HELZ: variants seen among roughly 807,000 people sequenced by gnomAD.
The protein encoded by HELZ is ATP-dependent RNA helicase with zinc finger domain.
A neutral mutation model predicts 218.2 loss-of-function variants in HELZ; 23 were observed. The observed-to-expected ratio is 0.11, with a 90% CI of 0.08 to 0.15. HELZ has a LOEUF of 0.15. Among genes scored for constraint, HELZ ranks in the 10% least tolerant of loss-of-function variants. The pLI, the probability that HELZ is intolerant of heterozygous loss-of-function variation, is 1.00. For synonymous variants in HELZ, 814 were observed against 829.4 expected (o/e 0.98, Z 0.32); for missense variants, 1,813 against 2,353.7 (o/e 0.77, Z 4.75).
At chr17:67,145,072 G>A (rs2038451582) in intron 21 of HELZ, among the ~76,000 whole-genome samples, 1 of 152,156 alleles carries the variant, frequency 6.6e-6, no homozygotes, top group Non-Finnish European at 1.5e-5. Flanking sequence ...CAAGGGCAGT[G>A]TAGACTGGAG....
intron 19 of HELZ, 27 bp from the exon 20 acceptor site, chr17:67,148,741 G>A: frequency 6.3e-7 from 1 of 1,579,740 alleles, no homozygotes; most frequent in South Asian, 1.2e-5. Context: ...TACAGAGAAA[G>A]TTTAACTGAA....
chr17:67,133,579 T>A (rs1353148766), intron 23 of HELZ, among the ~76,000 whole-genome samples: 3 of 152,150 alleles, frequency 2.0e-5, no homozygotes, highest in African/African-American at 7.2e-5. Flanking sequence ...TGGAGTACAG[T>A]GGCGTGATCA....
rs906615487 is a variant in HELZ at position 67,075,073 on chromosome 17, C to T, written c.*3179G>A. On this transcript the variant is annotated 3_prime_UTR_variant, in exon 33 of 33. Transcript: ENST00000358691. ...ACAACCAAAACCCCCTTTAAAGACA[C>T]ACAAGAAAATATCCATGTTACACGG... 2 of 152,052 alleles carry T rather than the reference C, an allele frequency of 1.3e-5. No individual in the cohort carries two copies. Among genetic ancestry groups the T allele is most frequent in the Non-Finnish European group, 2.9e-5 (2 of 67,962 alleles). 9.4% of individuals were successfully genotyped at this position (152,052 alleles called of 1,614,324 possible). A position where few individuals can be genotyped will look rare whatever the true frequency, so the allele number is the denominator to read the frequency against.
At chr17:67,245,248 A>C (rs1314422026), upstream of HELZ, 5 of 972,646 alleles carry the variant, frequency 5.1e-6, no homozygotes, top group Middle Eastern at 5.2e-4. Flanking sequence ...CCGGCCCCCG[A>C]CTCCCGCCTC....
chr17:67,082,280 C>T (rs117683027), intron 32 of HELZ, among the ~76,000 whole-genome samples: 2 of 152,176 alleles, frequency 1.3e-5, no homozygotes, highest in South Asian at 2.1e-4. Flanking sequence ...TAGCTCTATC[C>T]TTGAGTTCAA....
In HELZ at chr17:67,149,921, A is replaced by T; in HGVS notation, c.2421T>A (p.Pro807=). The T allele has an allele frequency of 1.2e-6, 2 of 1,611,432 alleles. No homozygotes were observed. Among genetic ancestry groups the T allele is most frequent in the South Asian group, 2.2e-5 (2 of 90,734 alleles). ...AQAMECETIM[P]LALATQNTRI... is the part of the protein sequence containing the mutation. ...GAGTGTTTTGAGTTGCTAATGCTAG[A>T]GGCATAATGGTTTCACACTCCATGG... Residue 807 remains proline, a synonymous_variant, in exon 19 of 33, where the codon CCT becomes CCA. Transcript: ENST00000358691.
chr17:67,072,628 C>T lies in HELZ; in HGVS notation c.*5624G>A, dbSNP rs1224197227. ...AAAACCAAAGAGCTCCTTCACCCTA[C>T]TGCGGAAGAGCAGTGCAGACCCCAG... On this transcript the variant is annotated 3_prime_UTR_variant, in exon 33 of 33. Transcript: ENST00000358691. 1 of 152,382 alleles carries T rather than the reference C, an allele frequency of 6.6e-6. No homozygotes were observed. The highest frequency in any genetic ancestry group is 1.5e-5 in the Non-Finnish European group (1 of 68,164). 9.4% of individuals were successfully genotyped at this position (152,382 alleles called of 1,614,324 possible).
chr17:67,080,337 C>T (rs1222256918), intron 32 of HELZ, among the ~76,000 whole-genome samples: 1 of 152,132 alleles, frequency 6.6e-6, no homozygotes, highest in Admixed American at 6.5e-5. Flanking sequence ...ATTTCTGTAT[C>T]AGTATTAAGT....
chr17:67,132,446 A>T (rs1254639950), intron 23 of HELZ, among the ~76,000 whole-genome samples: 1 of 152,240 alleles, frequency 6.6e-6, no homozygotes, highest in African/African-American at 2.4e-5. Context: ...CATTTCTGGG[A>T]AAGGCAGCAT....
intron 3 of HELZ, among the ~76,000 whole-genome samples, chr17:67,227,835 A>G (rs1356893663): frequency 1.3e-5 from 2 of 152,232 alleles, no homozygotes; most frequent in East Asian, 3.8e-4. Flanking sequence ...TATTTTAAAA[A>G]TCAGCTATAT....
At chr17:67,087,623 G>GT (rs1184481317) in intron 31 of HELZ, among the ~76,000 whole-genome samples, 5 of 152,024 alleles carry the variant, frequency 3.3e-5, no homozygotes, top group Non-Finnish European at 7.4e-5. Flanking sequence ...CCTGTCCAAC[G>GT]TAAGTACTCT....
In HELZ at chr17:67,148,607, G is replaced by A. The variant is rs751715646; in HGVS notation, c.2583C>T (p.Leu861=). The part of the protein sequence containing the change: ...HYPAEFPCRI[L]LCENYRSHEA... ...CATGGGAGCGGTAGTTCTCACACAG[G>A]AGAATCCTACATGGGAACTCAGCAG... The change falls in exon 20 of 33, where the codon CTC becomes CTT. Residue 861 remains leucine (L), a synonymous_variant. Transcript: ENST00000358691. The A allele has an allele frequency of 1.9e-6, 3 of 1,613,752 alleles. No homozygotes were observed. In the East Asian group the frequency reaches 6.7e-5, roughly 36 times the overall value.
At chr17:67,201,212 A>T in intron 6 of HELZ, 27 bp from the exon 7 acceptor site, 1 of 1,491,062 alleles carries the variant, frequency 6.7e-7, no homozygotes, top group Non-Finnish European at 9.3e-7. Flanking sequence ...AAAAGAGAAG[A>T]ACCAATTAGT....
rs1238440391 is a variant in HELZ, at chr17:67,221,937, G to A, written c.-18-3115C>T. On this transcript the variant is annotated intron_variant, in intron 3 of 32. Transcript: ENST00000358691. ...ATAGCTCCTGCTGCCACACACTTGG[G>A]AATCATCCTCCTTCCTTGGCCTCCC... Among the ~76,000 whole-genome samples, 4 of 151,756 alleles carry A rather than the reference G, an allele frequency of 2.6e-5. No individual in the cohort carries two copies. The South Asian group carries it at 6.2e-4, about 24-fold the overall frequency.
chr17:67,091,232 CATA>C (rs552051948), intron 31 of HELZ, among the ~76,000 whole-genome samples: 4 of 151,766 alleles, frequency 2.6e-5, no homozygotes, highest in Admixed American at 6.6e-5. Context: ...AATTCAAATA[CATA>C]ATGATATCAA....
intron 32 of HELZ, among the ~76,000 whole-genome samples, chr17:67,085,892 T>A (rs913663539): frequency 1.3e-5 from 2 of 152,236 alleles, no homozygotes; most frequent in South Asian, 4.1e-4. Flanking sequence ...AGATTTTCCA[T>A]CATACAAGTT....
intron 5 of HELZ, among the ~76,000 whole-genome samples, chr17:67,206,443 C>T (rs1374966909): frequency 6.6e-6 from 1 of 152,160 alleles, no homozygotes; most frequent in Non-Finnish European, 1.5e-5. Flanking sequence ...GTTCCATAGC[C>T]TCTGGCTATC....
At chr17:67,115,127 C>A (rs2037390765) in intron 27 of HELZ, among the ~76,000 whole-genome samples, 1 of 152,022 alleles carries the variant, frequency 6.6e-6, no homozygotes, top group South Asian at 2.1e-4. Flanking sequence ...ATTACCTTAC[C>A]ATTAAGCTTC....
At chr17:67,142,278 A>T (rs1015218103) in intron 21 of HELZ, among the ~76,000 whole-genome samples, 1 of 151,802 alleles carries the variant, frequency 6.6e-6, no homozygotes, top group African/African-American at 2.4e-5. Context: ...AGGCTGAGGG[A>T]GGTGGATCGC....
Sources: gnomAD v4.1 joint callset for allele counts (sites outside exome capture counted in the v4.1 genomes callset) on GRCh38, gnomAD v4.1.1 for gene constraint, MANE v1.5 for transcripts, NCBI Gene and HGNC (gene_info 2026-07-23, HGNC 2026-07-21) for gene names.